The following RNF10 variants were observed in gnomAD, a reference collection of about 807,000 sequenced individuals.
RNF10 encodes E3 ubiquitin-protein ligase RNF10.
A neutral mutation model predicts 91.4 loss-of-function variants in RNF10; 38 were observed. That is an observed-to-expected ratio of 0.42 (90% CI 0.32 to 0.54). The LOEUF is 0.54. RNF10 is among the 20% of genes least tolerant of loss of function. The probability of loss-of-function intolerance (pLI) is 0.16; values close to 1 mark genes in which losing one functional copy is unlikely to be tolerated. For synonymous variants in RNF10, 364 were observed against 366.3 expected (o/e 0.99, Z 0.07); for missense variants, 945 against 1,012.0 (o/e 0.93, Z 0.90).
rs181206732 is a variant in RNF10 at position 120,558,902 on chromosome 12, C to T, written c.967+1220C>T. Among the ~76,000 whole-genome samples the T allele has an allele frequency of 1.9e-4, 29 of 151,210 alleles. No homozygotes were observed. The East Asian group carries it at 4.7e-3, about 25-fold the overall frequency. On this transcript the variant is annotated intron_variant, in intron 6 of 16. Transcript: ENST00000325954. ...CCACTTTTAGTGTCCACAGAATTTT[C>T]GTTAATGAACATACCATCATGTCAT...
chr12:120,576,049 T>C, intron 16 of RNF10, 99 bp downstream of exon 16: 2 of 1,262,694 alleles, frequency 1.6e-6, no homozygotes, highest in South Asian at 1.2e-5. Context: ...AATTAGGCTC[T>C]TTCCCTTCTG....
In RNF10 at chr12:120,541,330, A is replaced by G. The variant is rs565455489; in HGVS notation, c.158-5075A>G. Among the ~76,000 whole-genome samples the G allele has an allele frequency of 3.3e-5, 5 of 152,184 alleles. No individual in the cohort carries two copies. In the South Asian group the frequency reaches 1.0e-3, roughly 32 times the overall value. ...GGATATGTGTTTTCTTTATATACCT[A>G]TCCTCGTAGAATCTCCTTTGCTTGA... is the stretch of plus-strand genomic sequence containing the variant. On this transcript the variant is annotated intron_variant, in intron 1 of 16. Coordinates refer to ENST00000325954, the MANE Select transcript of RNF10 (RefSeq NM_014868.5).
chr12:120,570,708 C>T (rs981083021), intron 13 of RNF10, among the ~76,000 whole-genome samples: 1 of 152,166 alleles, frequency 6.6e-6, no homozygotes, highest in African/African-American at 2.4e-5. Context: ...GAAAAGTTTG[C>T]ATCCTTGTGC....
chr12:120,561,177 G>T (rs2137220746), intron 7 of RNF10, among the ~76,000 whole-genome samples: 1 of 152,298 alleles, frequency 6.6e-6, no homozygotes, highest in Non-Finnish European at 1.5e-5. Flanking sequence ...TGACAGTGGA[G>T]TTTTTTAGAT....
At chr12:120,547,186 G>C (rs1872468606) in intron 2 of RNF10, among the ~76,000 whole-genome samples, 1 of 152,152 alleles carries the variant, frequency 6.6e-6, no homozygotes, top group Non-Finnish European at 1.5e-5. Flanking sequence ...GGAAGTAAAG[G>C]GATAGAGAGT....
In RNF10 at chr12:120,565,540, G is replaced by C; in HGVS notation, c.1885+11G>C. The C allele has an allele frequency of 6.2e-7, 1 of 1,611,718 alleles. No homozygotes were observed. Among genetic ancestry groups the C allele is most frequent in the South Asian group, 1.1e-5 (1 of 90,932 alleles). On this transcript the variant is annotated intron_variant, in intron 12 of 16. Coordinates refer to ENST00000325954, the MANE Select transcript of RNF10 (RefSeq NM_014868.5). Reference sequence around the variant, plus strand: ...AGAAACAGGGCAAGTGTAAGTTCAGGAACTTTCATCTTTGACTAGCACTGC... The same window carrying C: ...AGAAACAGGGCAAGTGTAAGTTCAGCAACTTTCATCTTTGACTAGCACTGC...
chr12:120,541,090 C>T (rs1871494336), intron 1 of RNF10, among the ~76,000 whole-genome samples: 1 of 152,192 alleles, frequency 6.6e-6, no homozygotes, highest in African/African-American at 2.4e-5. Flanking sequence ...CTCCCGACCT[C>T]AGGTGATCCG....
At chr12:120,569,999 T>C (rs1876383458) in intron 13 of RNF10, among the ~76,000 whole-genome samples, 1 of 152,134 alleles carries the variant, frequency 6.6e-6, no homozygotes. Context: ...TTCAAGCGAT[T>C]CTCCTGCCCC....
intron 14 of RNF10, chr12:120,574,483 G>C: frequency 2.2e-6 from 1 of 456,062 alleles, no homozygotes; most frequent in Non-Finnish European, 4.4e-6. Context: ...TTACTGGCCT[G>C]TGGTTGGATC....
At chr12:120,557,520 G>T in intron 5 of RNF10, 26 bp from the exon 6 acceptor site, 1 of 1,614,030 alleles carries the variant, frequency 6.2e-7, no homozygotes, top group African/African-American at 1.3e-5. Flanking sequence ...TCCTTGCCCT[G>T]CTACATATGA....
chr12:120,539,476 ACTTG>A, intron 1 of RNF10: 1 of 1,257,400 alleles, frequency 8.0e-7, no homozygotes, highest in African/African-American at 1.5e-5. Flanking sequence ...TGGGTAAGCA[ACTTG>A]CTTGTGATTA....
intron 13 of RNF10, among the ~76,000 whole-genome samples, chr12:120,567,895 A>G (rs1439968440): frequency 6.6e-6 from 1 of 151,892 alleles, no homozygotes; most frequent in Non-Finnish European, 1.5e-5. Context: ...GTATATATAT[A>G]TATGTAAATG....
intron 10 of RNF10, among the ~76,000 whole-genome samples, chr12:120,564,601 C>T (rs1875391212): frequency 6.6e-6 from 1 of 151,944 alleles, no homozygotes; most frequent in Admixed American, 6.6e-5. Context: ...AAGACCATGT[C>T]TCAGAAAAAA....
rs775769363 is a variant in RNF10 at position 120,571,108 on chromosome 12, T to C, written c.2042-83T>C. 7 of 825,006 alleles carry C rather than the reference T, an allele frequency of 8.5e-6. No individual in the cohort carries two copies. In the Admixed American group the frequency reaches 9.0e-5, roughly 11 times the overall value. 51.1% of individuals were successfully genotyped at this position (825,006 alleles called of 1,614,324 possible). A position where few individuals can be genotyped will look rare whatever the true frequency, so the allele number is the denominator to read the frequency against. ...GGGATGATTTGTAATTTTCCAGACC[T>C]GACTCAGGGCTCACTCATCTCTCTT... On this transcript the variant is annotated intron_variant, in intron 13 of 16. Transcript: ENST00000325954.
chr12:120,538,617 T>G (rs1299298373), intron 1 of RNF10, among the ~76,000 whole-genome samples: 2 of 152,082 alleles, frequency 1.3e-5, no homozygotes, highest in Non-Finnish European at 2.9e-5. Flanking sequence ...GAAGGTGGGT[T>G]AGAAAGTGGG....
chr12:120,575,369 T>A (rs187662092), intron 14 of RNF10: 2 of 428,168 alleles, frequency 4.7e-6, no homozygotes, highest in East Asian at 8.3e-5. Flanking sequence ...GAATCTCTTG[T>A]GCCTTCTGTG....
chr12:120,545,949 A>G (rs1049723189), intron 1 of RNF10, among the ~76,000 whole-genome samples: 2 of 152,232 alleles, frequency 1.3e-5, no homozygotes, highest in Admixed American at 1.3e-4. Context: ...CCTTTTGAAT[A>G]TATTTGCTAA....
chr12:120,569,688 C>G (rs182100034), intron 13 of RNF10, among the ~76,000 whole-genome samples: 69 of 151,674 alleles, frequency 4.5e-4, no homozygotes, highest in African/African-American at 1.6e-3. Context: ...ACAGGCAGCA[C>G]CACCATACCC....
intron 14 of RNF10, 111 bp from the exon 15 acceptor site, chr12:120,575,520 T>G (rs1053191537): frequency 1.7e-6 from 2 of 1,163,532 alleles, no homozygotes; most frequent in African/African-American, 3.1e-5. Flanking sequence ...GGAAAATCTT[T>G]TCAAAGGTGA....
Sources: gnomAD v4.1 joint callset for allele counts (sites outside exome capture counted in the v4.1 genomes callset) on GRCh38, gnomAD v4.1.1 for gene constraint, MANE v1.5 for transcripts, NCBI Gene and HGNC (gene_info 2026-07-23, HGNC 2026-07-21) for gene names.